The following C3orf49 variants were observed in gnomAD, a reference collection of about 807,000 sequenced individuals.
C3orf49 encodes putative uncharacterized protein C3orf49.
Under a neutral mutation model 13.3 loss-of-function variants are expected in C3orf49, and 27 were observed. That is an observed-to-expected ratio of 2.02 (90% CI 1.49 to 2.79). C3orf49 has a LOEUF of 2.79. C3orf49 is among the 30% of genes most tolerant of loss of function. The pLI, the probability that C3orf49 is intolerant of heterozygous loss-of-function variation, is 0.00. For synonymous variants in C3orf49, 87 were observed against 47.6 expected (o/e 1.83, Z -3.40); for missense variants, 242 against 134.2 (o/e 1.80, Z -3.97).
intron 1 of C3orf49, 22 bp from the exon 2 acceptor site, chr3:63,823,228 G>A (rs1701421184): frequency 1.5e-6 from 1 of 663,122 alleles, no homozygotes; most frequent in Non-Finnish European, 2.7e-6. Flanking sequence ...TCCCTAATAT[G>A]AACCATTTTT....
At chr3:63,815,718 T>C (rs543646521), upstream of C3orf49, among the ~76,000 whole-genome samples, 42 of 152,288 alleles carry the variant, frequency 2.8e-4, no homozygotes, top group African/African-American at 9.9e-4. Flanking sequence ...CCAGTCACTT[T>C]CTACCACGTT....
chr3:63,830,339 G>A (rs565893109), intron 3 of C3orf49, among the ~76,000 whole-genome samples: 19 of 152,330 alleles, frequency 1.2e-4, no homozygotes, highest in African/African-American at 4.3e-4. Context: ...GATCAGGGAA[G>A]ATTCTGCAAG....
At chr3:63,838,956 C>T (rs1403638017) in intron 5 of C3orf49, among the ~76,000 whole-genome samples, 1 of 152,086 alleles carries the variant, frequency 6.6e-6, no homozygotes, top group Non-Finnish European at 1.5e-5. Context: ...TTTGGGAAGC[C>T]AAGGTGGGCA....
chr3:63,846,232 T>G (rs1245812287), intron 6 of C3orf49: 1 of 451,090 alleles, frequency 2.2e-6, no homozygotes, highest in South Asian at 1.6e-5. Flanking sequence ...AAAAAGCAGT[T>G]AAACAGTTTC....
At chr3:63,807,871 A>C in the C3orf49 span, among the ~76,000 whole-genome samples, 2 of 150,354 alleles carry the variant, frequency 1.3e-5, no homozygotes, top group African/African-American at 4.9e-5. Context: ...AAAAAAAAAA[A>C]AAAAAAAGAA....
intron 5 of C3orf49, among the ~76,000 whole-genome samples, chr3:63,832,653 C>A (rs1208764790): frequency 1.3e-5 from 2 of 151,982 alleles, no homozygotes; most frequent in African/African-American, 4.8e-5. Flanking sequence ...CAGGGCAAGA[C>A]CCTGTCTCAG....
At chr3:63,841,093 A>G (rs1701749124) in intron 5 of C3orf49, among the ~76,000 whole-genome samples, 1 of 152,260 alleles carries the variant, frequency 6.6e-6, no homozygotes, top group Admixed American at 6.5e-5. Context: ...CCAAAAGAAT[A>G]GTGCAGATAT....
At chr3:63,841,493 T>C (rs1304473929) in intron 5 of C3orf49, among the ~76,000 whole-genome samples, 1 of 152,202 alleles carries the variant, frequency 6.6e-6, no homozygotes, top group African/African-American at 2.4e-5. Flanking sequence ...ATAGTTCCTG[T>C]GTGTAGGCAG....
At chr3:63,838,459 A>C in intron 5 of C3orf49, 2 of 1,610,624 alleles carry the variant, frequency 1.2e-6, no homozygotes, top group Non-Finnish European at 1.7e-6. Context: ...GAAAATTCAC[A>C]TTGAGACAGC....
chr3:63,810,236 TA>T, the C3orf49 span, among the ~76,000 whole-genome samples: 1 of 151,968 alleles, frequency 6.6e-6, no homozygotes, highest in Non-Finnish European at 1.5e-5. Context: ...TCAGGCCAAA[TA>T]AAAAAATTTC....
chr3:63,840,557 C>T (rs1278752054), intron 5 of C3orf49, among the ~76,000 whole-genome samples: 1 of 152,152 alleles, frequency 6.6e-6, no homozygotes, highest in African/African-American at 2.4e-5. Flanking sequence ...CACCACTGGA[C>T]TCCAGCGCCT....
At chr3:63,803,128 T>C in the C3orf49 span, among the ~76,000 whole-genome samples, 3 of 152,186 alleles carry the variant, frequency 2.0e-5, no homozygotes, top group African/African-American at 7.2e-5. Flanking sequence ...TCTGTTCTCT[T>C]TACAATAGCA....
intron 1 of C3orf49, among the ~76,000 whole-genome samples, chr3:63,820,934 T>C (rs1701385609): frequency 6.6e-6 from 1 of 152,188 alleles, no homozygotes; most frequent in Non-Finnish European, 1.5e-5. Flanking sequence ...TTTTGCCCTC[T>C]AGTGTGGGCT....
intron 1 of C3orf49, among the ~76,000 whole-genome samples, chr3:63,822,500 A>C (rs1047205382): frequency 6.6e-6 from 1 of 152,194 alleles, no homozygotes; most frequent in Non-Finnish European, 1.5e-5. Context: ...TCTGGACATA[A>C]ATTATTTAAT....
chr3:63,810,753 G>T, the C3orf49 span, among the ~76,000 whole-genome samples: 2 of 152,138 alleles, frequency 1.3e-5, no homozygotes, highest in Non-Finnish European at 1.5e-5. Flanking sequence ...TTCCACTAAA[G>T]GTATATTCTG....
At chr3:63,783,001 G>A in the C3orf49 span, 1 of 152,146 alleles carries the variant, frequency 6.6e-6, no homozygotes. Flanking sequence ...GGGGTTTGAG[G>A]CATAAGAGTG....
At chr3:63,779,854 G>A in the C3orf49 span, 2 of 152,208 alleles carry the variant, frequency 1.3e-5, no homozygotes, top group African/African-American at 2.4e-5. Flanking sequence ...TAATCATTCC[G>A]TGGATCTAGT....
At chr3:63,839,658 C>T (rs760475085) in intron 5 of C3orf49, 10 of 1,611,282 alleles carry the variant, frequency 6.2e-6, no homozygotes, top group African/African-American at 2.7e-5. Flanking sequence ...TGAAATACCC[C>T]TCTTCCTGGG....
At chr3:63,779,953 T>C in the C3orf49 span, 3 of 152,200 alleles carry the variant, frequency 2.0e-5, no homozygotes, top group African/African-American at 4.8e-5. Flanking sequence ...TCCAGTGTGA[T>C]GTCAACTTTA....
Sources: gnomAD v4.1 joint callset for allele counts (sites outside exome capture counted in the v4.1 genomes callset) on GRCh38, gnomAD v4.1.1 for gene constraint, MANE v1.5 for transcripts, NCBI Gene and HGNC (gene_info 2026-07-23, HGNC 2026-07-21) for gene names.